The following NAALADL2 variants were observed in gnomAD, a reference collection of about 807,000 sequenced individuals.
NAALADL2 encodes inactive N-acetylated-alpha-linked acidic dipeptidase-like protein 2.
In NAALADL2, 76 loss-of-function variants were observed where a neutral mutation model predicts 87.2. The observed-to-expected ratio is 0.87, with a 90% CI of 0.72 to 1.05. The LOEUF is 1.05. Among genes scored for constraint, NAALADL2 ranks in the 50% least tolerant of loss-of-function variants. NAALADL2 has a pLI of 0.00. For missense variants in NAALADL2, 1,089 were observed against 945.8 expected, an observed-to-expected ratio of 1.15 and a Z score of -1.99; for synonymous variants, 354 against 331.0, an observed-to-expected ratio of 1.07 and a Z score of -0.75.
Position 175,547,846 on chromosome 3 carries a change from G to A in NAALADL2, c.1654-28195G>A, listed in dbSNP as rs114072305. Among the ~76,000 whole-genome samples, 1,306 of 152,014 alleles carry A rather than the reference G, an allele frequency of 8.6e-3. 25 individuals carry two copies. The highest frequency in any genetic ancestry group is 0.03 in the African/African-American group (1,240 of 41,508). On this transcript the variant is annotated intron_variant, in intron 9 of 13. Coordinates refer to ENST00000454872, the MANE Select transcript of NAALADL2 (RefSeq NM_207015.3). ...TAGAGAAATGCAAATCAAAACCACA[G>A]TGAAACAACATCTCATACCAGTCAT...
At chr3:174,803,250 T>C (rs1398639631) in intron 3 of NAALADL2, among the ~76,000 whole-genome samples, 1 of 152,214 alleles carries the variant, frequency 6.6e-6, no homozygotes, top group Admixed American at 6.5e-5. Flanking sequence ...CATTTTTTCA[T>C]GTGTCTGTGG....
chr3:174,521,747 C>T (rs1335415329), intron 1 of NAALADL2, among the ~76,000 whole-genome samples: 1 of 151,920 alleles, frequency 6.6e-6, no homozygotes, highest in Non-Finnish European at 1.5e-5. Flanking sequence ...TACACATAGA[C>T]ATAAAGATTG....
At chr3:175,687,962 TTG>T (rs1213518563) in intron 11 of NAALADL2, among the ~76,000 whole-genome samples, 1 of 152,094 alleles carries the variant, frequency 6.6e-6, no homozygotes, top group African/African-American at 2.4e-5. Context: ...CCCTGCAGAA[TTG>T]TGAGCCAATT....
At chr3:174,916,003 T>C (rs1403465420) in intron 1 of NAALADL2, among the ~76,000 whole-genome samples, 2 of 152,064 alleles carry the variant, frequency 1.3e-5, no homozygotes, top group African/African-American at 4.8e-5. Context: ...GTCCAGAATC[T>C]ACAAGGGACT....
At chr3:174,989,960 CT>C (rs1746490918) in intron 1 of NAALADL2, among the ~76,000 whole-genome samples, 1 of 151,926 alleles carries the variant, frequency 6.6e-6, no homozygotes. Flanking sequence ...AATTTATTTG[CT>C]GCTTCACTTG....
At chr3:175,639,352 G>T (rs761202030) in intron 11 of NAALADL2, among the ~76,000 whole-genome samples, 5 of 127,890 alleles carry the variant, frequency 3.9e-5, no homozygotes, top group Non-Finnish European at 7.7e-5. Flanking sequence ...ACGGAGTCTC[G>T]CTCTGTTGCC....
At chr3:175,088,495 C>A (rs1402997200) in intron 1 of NAALADL2, among the ~76,000 whole-genome samples, 2 of 152,160 alleles carry the variant, frequency 1.3e-5, no homozygotes, top group African/African-American at 4.8e-5. Flanking sequence ...TACTGAATTA[C>A]CACTGTGGGC....
At chr3:175,494,694 G>T (rs1338182839) in intron 9 of NAALADL2, among the ~76,000 whole-genome samples, 2 of 152,040 alleles carry the variant, frequency 1.3e-5, no homozygotes, top group African/African-American at 4.8e-5. Context: ...TTTCCAATCG[G>T]TACCTAGGAC....
At chr3:175,372,479 A>T (rs1205114341) in intron 5 of NAALADL2, among the ~76,000 whole-genome samples, 1 of 152,214 alleles carries the variant, frequency 6.6e-6, no homozygotes, top group Admixed American at 6.5e-5. Context: ...TGTCTTGAAG[A>T]TATTAGACCC....
chr3:175,608,555 G>A (rs939410076), intron 10 of NAALADL2, among the ~76,000 whole-genome samples: 10 of 151,702 alleles, frequency 6.6e-5, no homozygotes, highest in Non-Finnish European at 1.0e-4. Flanking sequence ...TGTGTTTTTC[G>A]CCTTCATGCT....
chr3:175,113,884 G>T (rs1041527819), intron 2 of NAALADL2, among the ~76,000 whole-genome samples: 2 of 151,538 alleles, frequency 1.3e-5, no homozygotes, highest in African/African-American at 4.8e-5. Flanking sequence ...GTTTTTCAAG[G>T]CTGTTTGTTA....
intron 11 of NAALADL2, among the ~76,000 whole-genome samples, chr3:175,665,001 A>G (rs1732756567): frequency 6.6e-6 from 1 of 152,154 alleles, no homozygotes; most frequent in South Asian, 2.1e-4. Context: ...GCAACTGACA[A>G]GTGTGTATAT....
At position 174,949,407 on chromosome 3, in the gene NAALADL2, C is replaced by G. The variant is rs548427641; in HGVS notation, c.43+89957C>G. ...AGTTCCAAGGGGTGGGGAGGGTTGT[C>G]CCTGATACCATCTCTTAGTAGGTAG... On this transcript the variant is annotated intron_variant, in intron 1 of 13. Coordinates refer to ENST00000454872, the MANE Select transcript of NAALADL2 (RefSeq NM_207015.3). Among the ~76,000 whole-genome samples the G allele has an allele frequency of 2.0e-5, 3 of 152,192 alleles. No individual in the cohort carries two copies. The East Asian group carries it at 5.8e-4, about 29-fold the overall frequency.
At chr3:175,781,359 C>A (rs1751040537) in intron 13 of NAALADL2, among the ~76,000 whole-genome samples, 1 of 151,996 alleles carries the variant, frequency 6.6e-6, no homozygotes, top group African/African-American at 2.4e-5. Flanking sequence ...TATAATGGGG[C>A]TGAAAATCTC....
chr3:174,969,188 G>A (rs1743273975), intron 1 of NAALADL2, among the ~76,000 whole-genome samples: 1 of 151,950 alleles, frequency 6.6e-6, no homozygotes, highest in Non-Finnish European at 1.5e-5. Flanking sequence ...ATTTCCCAGA[G>A]ACCTAGTTCT....
intron 5 of NAALADL2, among the ~76,000 whole-genome samples, chr3:175,439,086 G>A (rs922816161): frequency 1.1e-4 from 17 of 152,076 alleles, no homozygotes; most frequent in African/African-American, 4.1e-4. Flanking sequence ...CTACTTATGA[G>A]TGAGAACAGA....
intron 2 of NAALADL2, among the ~76,000 whole-genome samples, chr3:175,168,453 T>A (rs1276900349): frequency 2.0e-5 from 3 of 151,830 alleles, no homozygotes; most frequent in Non-Finnish European, 4.4e-5. Context: ...GATATGTGAC[T>A]CCCTGGACAC....
intron 13 of NAALADL2, among the ~76,000 whole-genome samples, chr3:175,784,919 G>T (rs1348484727): frequency 8.0e-6 from 1 of 124,506 alleles, no homozygotes; most frequent in Non-Finnish European, 1.6e-5. Flanking sequence ...GTTCTCATTG[G>T]TTTCAAAGAA....
At chr3:175,262,164 G>A (rs973924628) in intron 4 of NAALADL2, among the ~76,000 whole-genome samples, 1 of 151,948 alleles carries the variant, frequency 6.6e-6, no homozygotes, top group Non-Finnish European at 1.5e-5. Flanking sequence ...TTAATGAATG[G>A]ACAATGGGAA....
Sources: gnomAD v4.1 joint callset for allele counts (sites outside exome capture counted in the v4.1 genomes callset) on GRCh38, gnomAD v4.1.1 for gene constraint, MANE v1.5 for transcripts, NCBI Gene and HGNC (gene_info 2026-07-23, HGNC 2026-07-21) for gene names.